Variants in PPIL2 observed in about 807,000 individuals in gnomAD.
PPIL2 encodes RING-type E3 ubiquitin-protein ligase PPIL2.
A neutral mutation model predicts 75.2 loss-of-function variants in PPIL2; 50 were observed. The observed-to-expected ratio is 0.66, with a 90% CI of 0.53 to 0.84. The LOEUF is 0.84. Among genes scored for constraint, PPIL2 ranks in the 40% least tolerant of loss-of-function variants. The pLI is 0.00. For missense variants in PPIL2, 590 were observed against 685.0 expected (o/e 0.86, Z 1.55); for synonymous variants, 245 against 258.8 (o/e 0.95, Z 0.51).
intron 12 of PPIL2, among the ~76,000 whole-genome samples, chr22:21,687,279 C>T (rs1007687894): frequency 4.6e-5 from 7 of 152,158 alleles, no homozygotes; most frequent in Admixed American, 1.3e-4. Flanking sequence ...TGCGGCTGCA[C>T]GGGTCCTGTT....
intron 5 of PPIL2, among the ~76,000 whole-genome samples, chr22:21,674,762 C>T (rs1333637970): frequency 1.3e-5 from 2 of 152,214 alleles, no homozygotes; most frequent in Admixed American, 6.5e-5. Context: ...CTGTGCTCAC[C>T]ATAAAGACGT....
At chr22:21,670,921 A>G (rs943009172) in intron 3 of PPIL2, 76 bp from the exon 4 acceptor site, 3 of 1,393,502 alleles carry the variant, frequency 2.2e-6, no homozygotes, top group Non-Finnish European at 3.1e-6. Flanking sequence ...TCAGGAGGTC[A>G]CCATGCCAGT....
Position 21,694,649 on chromosome 22 carries a change from A to G in PPIL2, c.1253A>G (p.Lys418Arg). 1 of 1,614,100 alleles carries G rather than the reference A, an allele frequency of 6.2e-7. No individual in the cohort carries two copies. The highest frequency in any genetic ancestry group is 8.5e-7 in the Non-Finnish European group (1 of 1,180,022). The change falls in exon 17 of 20, where the codon AAA becomes AGA. Residue 418 changes from lysine (K) to arginine (R), a missense_variant. Physicochemically the swap from Lys to Arg is conservative, Grantham distance 26. Coordinates refer to ENST00000398831, the MANE Select transcript of PPIL2 (RefSeq NM_014337.4). ...ATGGAGAATGTGGAGAGTGACCCCA[A>G]AACTGACCGCCCTAAGGTCTGTGCC... ...TAMENVESDP[K>R]TDRPKEEIRI...
At chr22:21,671,299 C>T (rs118046190) in intron 4 of PPIL2, among the ~76,000 whole-genome samples, 2 of 152,322 alleles carry the variant, frequency 1.3e-5, no homozygotes, top group Non-Finnish European at 2.9e-5. Flanking sequence ...CAGGCATGAG[C>T]CACTGCACCT....
At chr22:21,682,892 G>A (rs555841807) in intron 8 of PPIL2, among the ~76,000 whole-genome samples, 56 of 152,324 alleles carry the variant, frequency 3.7e-4, no homozygotes, top group African/African-American at 1.3e-3. Flanking sequence ...CCCACGTTCC[G>A]GTCCGATAGC....
Position 21,682,433 on chromosome 22 carries a change from A to C in PPIL2, c.388-4A>C. 6.2e-7 allele frequency: 1 copy of C among 1,612,888 alleles called. No homozygotes were observed. Among genetic ancestry groups the C allele is most frequent in the Non-Finnish European group, 8.5e-7 (1 of 1,178,964 alleles). On this transcript the variant is annotated splice_polypyrimidine_tract_variant and splice_region_variant and intron_variant, in intron 7 of 19. Transcript: ENST00000398831. ...ATCGTAAAACCACTTCCTCCTGGCT[A>C]TAGGCAGTGGAACAGCTAAATATCA...
At position 21,694,611 on chromosome 22, in the gene PPIL2, C is replaced by T. The variant is rs192103027; in HGVS notation, c.1215C>T (p.Asp405=). 1.2e-4 allele frequency: 191 copies of T among 1,614,088 alleles called. No individual in the cohort carries two copies. The highest frequency in any genetic ancestry group is 6.2e-4 in the Admixed American group (37 of 60,014). The change falls in exon 17 of 20, where the codon GAC becomes GAT. Residue 405 remains aspartate, a synonymous_variant. Coordinates refer to ENST00000398831, the MANE Select transcript of PPIL2 (RefSeq NM_014337.4). The part of the protein sequence containing the change: ...TIFGRVVGGF[D]VLTAMENVES... ...GCTGCAGGGTTGTTGGGGGCTTTGA[C>T]GTACTGACAGCCATGGAGAATGTGG...
intron 2 of PPIL2, 157 bp downstream of exon 2, chr22:21,670,119 A>G: frequency 1.1e-6 from 1 of 898,468 alleles, no homozygotes; most frequent in South Asian, 1.7e-5. Flanking sequence ...AATATACTCA[A>G]GATAGAAGAA....
chr22:21,682,678 G>C, intron 8 of PPIL2, 152 bp downstream of exon 8: 1 of 560,090 alleles, frequency 1.8e-6, no homozygotes, highest in Admixed American at 3.2e-5. Context: ...GCCTGGCTCT[G>C]CTTCAGCGCC....
chr22:21,692,377 A>G (rs979321094), intron 15 of PPIL2, among the ~76,000 whole-genome samples: 1 of 150,916 alleles, frequency 6.6e-6, no homozygotes, highest in Non-Finnish European at 1.5e-5. Context: ...GATGGTCTCG[A>G]TCTCCTGACC....
chr22:21,686,703 A>C (rs1601570571), intron 11 of PPIL2, 145 bp downstream of exon 11: 7 of 1,045,770 alleles, frequency 6.7e-6, no homozygotes, highest in Non-Finnish European at 8.5e-6. Flanking sequence ...TAGCTGCTGA[A>C]CCCCTGCCAG....
intron 18 of PPIL2, 28 bp from the exon 19 acceptor site, chr22:21,694,909 G>A (rs754814935): frequency 1.2e-5 from 20 of 1,609,538 alleles, no homozygotes; most frequent in South Asian, 3.3e-5. Context: ...AGGTGCTGCC[G>A]GTTAGCCAGC....
intron 6 of PPIL2, among the ~76,000 whole-genome samples, chr22:21,678,077 G>A (rs956864567): frequency 6.6e-6 from 1 of 152,160 alleles, no homozygotes; most frequent in Non-Finnish European, 1.5e-5. Flanking sequence ...GGTGACAGAG[G>A]TCAGGGGTGG....
downstream of PPIL2, chr22:21,698,227 A>C (rs1320692121): frequency 6.6e-6 from 1 of 151,666 alleles, no homozygotes; most frequent in Non-Finnish European, 1.5e-5. Flanking sequence ...GCCCAACAAA[A>C]AAAAAGTGAT....
intron 5 of PPIL2, among the ~76,000 whole-genome samples, chr22:21,673,192 C>G (rs1206987071): frequency 1.3e-5 from 2 of 152,218 alleles, no homozygotes; most frequent in African/African-American, 4.8e-5. Context: ...GGGCACTCTT[C>G]TTCCTTGGTC....
chr22:21,687,873 G>A, intron 13 of PPIL2, 141 bp downstream of exon 13: 1 of 1,064,354 alleles, frequency 9.4e-7, no homozygotes, highest in Non-Finnish European at 1.4e-6. Flanking sequence ...CTCTGTTGGG[G>A]AACCCATAGA....
At chr22:21,678,187 CT>C (rs968764300) in intron 6 of PPIL2, among the ~76,000 whole-genome samples, 1 of 151,414 alleles carries the variant, frequency 6.6e-6, no homozygotes, top group Non-Finnish European at 1.5e-5. Context: ...GAGGTCCAGC[CT>C]TTTTTTTTCT....
intron 6 of PPIL2, among the ~76,000 whole-genome samples, chr22:21,679,946 G>A (rs1339691385): frequency 3.9e-5 from 6 of 151,924 alleles, no homozygotes; most frequent in Admixed American, 3.3e-4. Context: ...AAAATTAGCC[G>A]GGCATGGTGG....
chr22:21,693,512 C>A (rs1463111395), intron 15 of PPIL2, among the ~76,000 whole-genome samples: 4 of 152,250 alleles, frequency 2.6e-5, no homozygotes, highest in African/African-American at 9.6e-5. Flanking sequence ...GTCCCAGCCA[C>A]CTCCCACAGA....
Sources: gnomAD v4.1 joint callset for allele counts (sites outside exome capture counted in the v4.1 genomes callset) on GRCh38, gnomAD v4.1.1 for gene constraint, MANE v1.5 for transcripts, NCBI Gene and HGNC (gene_info 2026-07-23, HGNC 2026-07-21) for gene names.